The following PLIN4 variants were observed in gnomAD, a reference collection of about 807,000 sequenced individuals.
PLIN4 encodes perilipin 4.
A neutral mutation model predicts 52.4 loss-of-function variants in PLIN4; 57 were observed. The ratio of observed to expected loss-of-function variants is 1.09; its 90% CI spans 0.88 to 1.36. PLIN4 has a LOEUF of 1.36. Ranked by LOEUF, PLIN4 falls within the 40% of genes most tolerant of loss-of-function variation. The pLI is 0.00. For synonymous variants in PLIN4, 826 were observed against 785.4 expected, an observed-to-expected ratio of 1.05 and a Z score of -0.86; for missense variants, 1,757 against 1,770.3, an observed-to-expected ratio of 0.99 and a Z score of 0.13.
chr19:4,508,982 C>A (rs1310787065), intron 5 of PLIN4, 27 bp from the exon 6 acceptor site: 1 of 1,591,366 alleles, frequency 6.3e-7, no homozygotes, highest in Non-Finnish European at 8.6e-7. Flanking sequence ...ACCGCTCAGT[C>A]CCGGAAGCCC....
chr19:4,518,312 C>T (rs1473434542), intron 1 of PLIN4, 23 bp from the exon 2 acceptor site: 14 of 1,232,556 alleles, frequency 1.1e-5, no homozygotes, highest in Admixed American at 4.2e-5. Context: ...AGAGAAGGTG[C>T]GTGAATGGGG....
rs1200383622 is a variant in PLIN4 at position 4,517,747 on chromosome 19, G to A, written c.52-49C>T. Reference sequence around the variant, plus strand: ...AGGATGAGCAGGCCAAGCCTCGGCAGGAACGGGTCAGAGGAAGCATCGATT... The same window carrying A: ...AGGATGAGCAGGCCAAGCCTCGGCAAGAACGGGTCAGAGGAAGCATCGATT... On this transcript the variant is annotated intron_variant, in intron 2 of 7. Transcript: ENST00000301286. 3.2e-6 allele frequency: 5 copies of A among 1,542,748 alleles called. No homozygotes were observed. In the South Asian group the frequency reaches 3.6e-5, roughly 11 times the overall value.
rs768277990 is a variant in PLIN4, at chr19:4,511,097, T to C, written c.2863A>G (p.Thr955Ala). The C allele has an allele frequency of 1.9e-6, 3 of 1,610,958 alleles. No homozygotes were observed. Among genetic ancestry groups the C allele is most frequent in the Non-Finnish European group, 2.5e-6 (3 of 1,178,002 alleles). Residue 955 changes from threonine to alanine, a missense_variant, in exon 5 of 8, where the codon ACG becomes GCG. Thr to Ala is a moderately conservative substitution (Grantham distance 58, BLOSUM62 0). Around this residue, in one of 7 missense-constraint regions of PLIN4, gnomAD observed 712 missense variants for 637.1 expected, o/e 1.12. Coordinates refer to ENST00000301286, the MANE Select transcript of PLIN4 (RefSeq NM_001367868.2). ...GCATCCTTAGCGCCACTCAGCACCG[T>C]CTTGGCTGTGTCCACACCTGTCTGG... is the stretch of plus-strand genomic sequence containing the variant. ...TVQTGVDTAK[T>A]VLSGAKDAVT... is the part of the protein sequence containing the mutation.
intron 3 of PLIN4, 85 bp from the exon 4 acceptor site, chr19:4,516,763 C>T (rs1021202653): frequency 6.0e-6 from 8 of 1,327,766 alleles, no homozygotes; most frequent in African/African-American, 3.0e-5. Context: ...TAGCCAGGCA[C>T]AGCCTAAAAG....
At position 4,510,632 on chromosome 19, in the gene PLIN4, C is replaced by T. The variant is rs201665161; in HGVS notation, c.3328G>A (p.Ala1110Thr). ...GTCGCAAGGCCCTTGGTAGTGGCTG[C>T]GGCTTCCCAGGCAGGCTCCGGGCCT... The part of the protein sequence containing the change: ...SVGPEPAWEA[A>T]ATTKGLATDV... Residue 1110 changes from alanine (A) to threonine (T), a missense_variant, in exon 5 of 8, where the codon GCA (alanine) becomes ACA (threonine). By Grantham distance (58) the Ala-to-Thr change is moderately conservative (BLOSUM62 0). This residue lies in a region of PLIN4 where 712 missense variants were observed against 637.1 expected (regional missense o/e 1.12). Coordinates refer to ENST00000301286, the MANE Select transcript of PLIN4 (RefSeq NM_001367868.2). 9.4e-4 allele frequency: 1,418 copies of T among 1,505,684 alleles called. 2 individuals carry two copies. Among genetic ancestry groups the T allele is most frequent in the Non-Finnish European group, 1.2e-3 (1,312 of 1,128,558 alleles). The allele number at this position is 1,505,684 out of a possible 1,614,324, so 93.3% of individuals were successfully genotyped here.
At position 4,516,552 on chromosome 19, in the gene PLIN4, T is replaced by C. The variant is rs11882117; in HGVS notation, c.258+65A>G. ...GCCCCCCAGATAGCAGGAACTGAAA[T>C]GTCGCAGGAGGGGGCACCCCCAGGG... On this transcript the variant is annotated intron_variant, in intron 4 of 7. Transcript: ENST00000301286. 3,019 of 1,528,022 alleles carry C rather than the reference T, an allele frequency of 2.0e-3. 66 individuals are homozygous for C. The African/African-American group carries it at 0.036, about 18-fold the overall frequency. 94.7% of individuals were successfully genotyped at this position (1,528,022 alleles called of 1,614,324 possible). A position where few individuals can be genotyped will look rare whatever the true frequency, so the allele number is the denominator to read the frequency against.
At chr19:4,507,967 G>C (rs1976145959) in intron 6 of PLIN4, among the ~76,000 whole-genome samples, 1 of 152,150 alleles carries the variant, frequency 6.6e-6, no homozygotes, top group Non-Finnish European at 1.5e-5. Context: ...CATGACCCCT[G>C]GATGCATCCG....
In PLIN4 at chr19:4,518,231, C is replaced by T. The variant is rs1036323093; in HGVS notation, c.42G>A (p.Pro14=). Residue 14 remains proline (P), a synonymous_variant, in exon 2 of 8, where the codon CCG becomes CCA. Coordinates refer to ENST00000301286, the MANE Select transcript of PLIN4 (RefSeq NM_001367868.2). ...CATTTCCCCTCTTTACCTTGCCCTT[C>T]GGTTTGGGGGGATCCCGTCTCCCTT... ...PDEGRRDPPK[P]KGKTLGSFFG... 13 of 1,232,920 alleles carry T rather than the reference C, an allele frequency of 1.1e-5. No homozygotes were observed. Among genetic ancestry groups the T allele is most frequent in the Admixed American group, 4.2e-5 (1 of 23,764 alleles). 76.4% of individuals were successfully genotyped at this position (1,232,920 alleles called of 1,614,324 possible). A position where few individuals can be genotyped will look rare whatever the true frequency, so the allele number is the denominator to read the frequency against.
Position 4,517,715 on chromosome 19 carries a change from G to C in PLIN4, c.52-17C>G. The C allele has an allele frequency of 6.4e-7, 1 of 1,571,128 alleles. No individual in the cohort carries two copies. Among genetic ancestry groups the C allele is most frequent in the Non-Finnish European group, 8.6e-7 (1 of 1,158,674 alleles). ...GCCCAGGGTCTGCATGGGGGCGGGG[G>C]GTGTGCAGGATGAGCAGGCCAAGCC... is the stretch of plus-strand genomic sequence containing the variant. On this transcript the variant is annotated splice_polypyrimidine_tract_variant and intron_variant, in intron 2 of 7. Coordinates refer to ENST00000301286, the MANE Select transcript of PLIN4 (RefSeq NM_001367868.2).
chr19:4,516,708 T>A, intron 3 of PLIN4, 30 bp from the exon 4 acceptor site: 1 of 1,559,050 alleles, frequency 6.4e-7, no homozygotes, highest in Non-Finnish European at 8.7e-7. Flanking sequence ...TCAGGGAGAG[T>A]GAGGGATGCA....
At position 4,511,231 on chromosome 19, in the gene PLIN4, T is replaced by C. The variant is rs764189627; in HGVS notation, c.2729A>G (p.Lys910Arg). The C allele has an allele frequency of 8.1e-6, 13 of 1,611,224 alleles. No homozygotes were observed. The Admixed American group carries it at 2.0e-4, about 25-fold the overall frequency. ...TGLTGAVNLA[K>R]GTVQTGVDTS... Reference sequence around the variant, plus strand: ...GTCCACGCCGGTCTGGACAGTCCCTTTGGCCAAGTTCACAGCCCCTGTGAG... The same window carrying C: ...GTCCACGCCGGTCTGGACAGTCCCTCTGGCCAAGTTCACAGCCCCTGTGAG... The change falls in exon 5 of 8, where the codon AAA becomes AGA. Residue 910 changes from lysine to arginine, a missense_variant. Physicochemically the swap from Lys to Arg is conservative, Grantham distance 26. This residue lies in a region of PLIN4 where 712 missense variants were observed against 637.1 expected (regional missense o/e 1.12). Coordinates refer to ENST00000301286, the MANE Select transcript of PLIN4 (RefSeq NM_001367868.2).
rs765298386 is a variant in PLIN4 at position 4,504,917 on chromosome 19, G to A, written c.3733C>T (p.Gln1245Ter). The A allele has an allele frequency of 6.2e-7, 1 of 1,607,452 alleles. No individual in the cohort carries two copies. Among genetic ancestry groups the A allele is most frequent in the African/African-American group, 1.3e-5 (1 of 74,958 alleles). The stretch of plus-strand genomic sequence containing the variant: ...CCTGAGCCCTGGTCCAGACGTGGCT[G>A]CCCTTCTGGAGCCTGCTGGGCCTTT... ...IEKAQQAPEG[Q>*]PRLDQGSGAS... The change falls in exon 7 of 8, where the codon CAG becomes TAG. Residue 1245 changes from glutamine (Q) to a stop codon, truncating the protein, a stop_gained. Transcript: ENST00000301286. LOFTEE classifies it high-confidence loss of function.
chr19:4,504,317 C>G lies in PLIN4; in HGVS notation c.*142G>C. 1.1e-6 allele frequency: 1 copy of G among 872,920 alleles called. No individual in the cohort carries two copies. The highest frequency in any genetic ancestry group is 2.7e-5 in the East Asian group (1 of 36,508). The allele number at this position is 872,920 out of a possible 1,614,324, so 54.1% of individuals were successfully genotyped here. On this transcript the variant is annotated 3_prime_UTR_variant, in exon 8 of 8. Transcript: ENST00000301286. ...AAGAAGGTCACTGCCTCCGCAGCCC[C>G]TCGGCGCTCAGCCAGCTGCAGCCCC...
At chr19:4,515,529 A>G (rs536423369) in intron 4 of PLIN4, among the ~76,000 whole-genome samples, 2 of 152,230 alleles carry the variant, frequency 1.3e-5, no homozygotes, top group East Asian at 1.9e-4. Flanking sequence ...TCAGCCTCCC[A>G]AAGTGTTGGG....
At position 4,503,558 on chromosome 19, in the gene PLIN4, C is replaced by T. The variant is rs1975993073; in HGVS notation, c.*901G>A. 6.6e-6 allele frequency: 1 copy of T among 152,388 alleles called. No individual in the cohort carries two copies. Among genetic ancestry groups the T allele is most frequent in the Non-Finnish European group, 1.5e-5 (1 of 68,178 alleles). The allele number at this position is 152,388 out of a possible 1,614,324, so 9.4% of individuals were successfully genotyped here. On this transcript the variant is annotated 3_prime_UTR_variant, in exon 8 of 8. Coordinates refer to ENST00000301286, the MANE Select transcript of PLIN4 (RefSeq NM_001367868.2). ...AGGCACGCAGCCTCTGTGGCTGTTCCCAGCCCTGTCTGATCCCTCCATAGG... is the reference window on the plus strand; with the variant it reads ...AGGCACGCAGCCTCTGTGGCTGTTCTCAGCCCTGTCTGATCCCTCCATAGG...
Position 4,509,775 on chromosome 19 carries a change from A to C in PLIN4, c.3514+671T>G, listed in dbSNP as rs1976229059. Among the ~76,000 whole-genome samples the C allele has an allele frequency of 2.6e-5, 4 of 151,914 alleles. No individual in the cohort carries two copies. In the South Asian group the frequency reaches 8.3e-4, roughly 32 times the overall value. On this transcript the variant is annotated intron_variant, in intron 5 of 7. Transcript: ENST00000301286. The stretch of plus-strand genomic sequence containing the variant: ...GGCAACATAGAGAGACAAAAAACAT[A>C]CAAAAAAATACATAGCCGGGCATGG...
chr19:4,508,813 G>T lies in PLIN4; in HGVS notation c.3657C>A (p.Phe1219Leu). ...GCTGGGCCAGAGTGTCCCTGGCTTG[G>T]AACTGGCCGTGCTGCAGGTGGCTCA... ...HAVSHLQHGQ[F>L]QARDTLAQLQ... The change falls in exon 6 of 8, where the codon TTC (phenylalanine) becomes TTA (leucine). Residue 1219 changes from phenylalanine (F) to leucine (L), a missense_variant. Transcript: ENST00000301286. The T allele has an allele frequency of 2.5e-6, 4 of 1,600,466 alleles. No homozygotes were observed. The highest frequency in any genetic ancestry group is 3.4e-6 in the Non-Finnish European group (4 of 1,173,998).
intron 5 of PLIN4, 47 bp from the exon 6 acceptor site, chr19:4,509,002 T>C: frequency 6.5e-7 from 1 of 1,548,834 alleles, no homozygotes; most frequent in Non-Finnish European, 8.7e-7. Flanking sequence ...CCTCAGGGCA[T>C]CAGGGCTTTA....
chr19:4,510,733 C>T lies in PLIN4; in HGVS notation c.3227G>A (p.Gly1076Asp). ...GGGGCTCAGGGCAGTCTGCTCCCCA[C>T]CATTGTCTGTGGTCCTGGAACTGGT... ...GLTSSRTTDN[G>D]GEQTALSPQE... is the part of the protein sequence containing the mutation. The change falls in exon 5 of 8, where the codon GGT becomes GAT. Residue 1076 changes from glycine (G) to aspartate (D), a missense_variant. Coordinates refer to ENST00000301286, the MANE Select transcript of PLIN4 (RefSeq NM_001367868.2). 1.3e-6 allele frequency: 2 copies of T among 1,547,358 alleles called. No individual in the cohort carries two copies. The highest frequency in any genetic ancestry group is 1.2e-5 in the South Asian group (1 of 80,670).
Sources: allele counts gnomAD v4.1 joint callset (sites outside exome capture counted in the v4.1 genomes callset), GRCh38; gene constraint gnomAD v4.1.1; regional missense constraint gnomAD v4.1.1; transcripts MANE v1.5; gene names NCBI Gene and HGNC (gene_info 2026-07-23, HGNC 2026-07-21).